The following ZBTB20 variants were observed in gnomAD, a reference collection of about 807,000 sequenced individuals.
ZBTB20 encodes zinc finger and BTB domain containing 20.
Under a neutral mutation model 56.9 loss-of-function variants are expected in ZBTB20, and 9 were observed. The ratio of observed to expected loss-of-function variants is 0.16; its 90% CI spans 0.10 to 0.28. The LOEUF (loss-of-function observed/expected upper bound fraction) is 0.28. ZBTB20 is among the 10% of genes least tolerant of loss of function. The pLI, the probability that ZBTB20 is intolerant of heterozygous loss-of-function variation, is 1.00. For missense variants in ZBTB20, 655 were observed against 1,003.0 expected (o/e 0.65, Z 4.69); for synonymous variants, 417 against 420.7 (o/e 0.99, Z 0.11).
intron 1 of ZBTB20, among the ~76,000 whole-genome samples, chr3:115,092,084 A>G (rs2083217961): frequency 6.6e-6 from 1 of 152,166 alleles, no homozygotes; most frequent in Non-Finnish European, 1.5e-5. Context: ...ATTGTTAAAG[A>G]ATTTTTTATA....
intron 6 of ZBTB20, among the ~76,000 whole-genome samples, chr3:114,513,684 C>A (rs140998022): frequency 6.6e-6 from 1 of 152,214 alleles, no homozygotes; most frequent in East Asian, 1.9e-4. Context: ...TTTTGGGGCA[C>A]TAGGTGAGAG....
At chr3:114,716,956 TAAACAAAACAAAACA>T (rs904575186) in intron 5 of ZBTB20, among the ~76,000 whole-genome samples, 2 of 151,944 alleles carry the variant, frequency 1.3e-5, no homozygotes, top group Non-Finnish European at 2.9e-5. Context: ...TCCAGGAGAA[TAAACAAAACAAAACA>T]AAACAAAACA....
rs1364045839 is a variant in ZBTB20, at chr3:115,000,541, CA to C, written c.-506-26126del. On this transcript the variant is annotated intron_variant, in intron 2 of 11. Coordinates refer to ENST00000675478, the MANE Select transcript of ZBTB20 (RefSeq NM_001348800.3). ...TTTCACATTGCCCAACCCCTAGAAA[CA>C]CTTAACAGATTTTTCTCTCCATAGG... Among the ~76,000 whole-genome samples, 12 of 151,656 alleles carry C rather than the reference CA, an allele frequency of 7.9e-5. No homozygotes were observed. In the South Asian group the frequency reaches 2.1e-3, roughly 26 times the overall value.
intron 6 of ZBTB20, among the ~76,000 whole-genome samples, chr3:114,665,824 C>T (rs1196306420): frequency 6.6e-6 from 1 of 152,094 alleles, no homozygotes; most frequent in Non-Finnish European, 1.5e-5. Flanking sequence ...AGACATCACA[C>T]TGACATTTCT....
chr3:114,836,959 T>G (rs1485403258), intron 4 of ZBTB20, among the ~76,000 whole-genome samples: 1 of 152,200 alleles, frequency 6.6e-6, no homozygotes, highest in African/African-American at 2.4e-5. Context: ...ATGACCATCT[T>G]TCTGTTCTCA....
intron 6 of ZBTB20, among the ~76,000 whole-genome samples, chr3:114,524,128 G>A (rs762865324): frequency 2.0e-5 from 3 of 152,134 alleles, no homozygotes; most frequent in Non-Finnish European, 4.4e-5. Flanking sequence ...TGGAATCTAC[G>A]CTATATAATG....
intron 2 of ZBTB20, among the ~76,000 whole-genome samples, chr3:115,059,247 C>A (rs749074339): frequency 1.3e-5 from 2 of 152,084 alleles, no homozygotes; most frequent in Non-Finnish European, 1.5e-5. Flanking sequence ...TGTCATTCAT[C>A]ATAAACTTTT....
At chr3:115,064,613 A>T (rs777073444) in intron 2 of ZBTB20, among the ~76,000 whole-genome samples, 23 of 151,794 alleles carry the variant, frequency 1.5e-4, no homozygotes, top group Non-Finnish European at 3.1e-4. Context: ...CAACACACCC[A>T]GCTAGTTTTA....
intron 4 of ZBTB20, among the ~76,000 whole-genome samples, chr3:114,852,475 G>A (rs2075050999): frequency 1.3e-5 from 2 of 151,878 alleles, no homozygotes; most frequent in Admixed American, 6.6e-5. Flanking sequence ...TGCTGGCCAG[G>A]CTGGTCTCAA....
At chr3:114,933,487 C>T (rs1183633001) in intron 3 of ZBTB20, among the ~76,000 whole-genome samples, 1 of 152,198 alleles carries the variant, frequency 6.6e-6, no homozygotes. Context: ...TTTAAGCCTG[C>T]CCAACACTGT....
intron 6 of ZBTB20, among the ~76,000 whole-genome samples, chr3:114,655,991 T>C (rs539775209): frequency 6.6e-6 from 1 of 152,368 alleles, no homozygotes; most frequent in Admixed American, 6.5e-5. Flanking sequence ...CCTGAAGCAC[T>C]CACTGCCTTT....
At chr3:114,644,070 T>G (rs2059705628) in intron 6 of ZBTB20, among the ~76,000 whole-genome samples, 3 of 151,954 alleles carry the variant, frequency 2.0e-5, no homozygotes, top group Admixed American at 1.3e-4. Context: ...AATTAATAAG[T>G]CTATACCTTT....
intron 4 of ZBTB20, among the ~76,000 whole-genome samples, chr3:114,820,136 A>G (rs113290121): frequency 3.3e-5 from 5 of 152,106 alleles, no homozygotes; most frequent in African/African-American, 1.2e-4. Context: ...TGCTAAAAAC[A>G]TAATCCAAGA....
chr3:114,564,948 TACCTAAAATATCTG>T (rs2052540302), intron 6 of ZBTB20, among the ~76,000 whole-genome samples: 2 of 152,172 alleles, frequency 1.3e-5, no homozygotes, highest in African/African-American at 4.8e-5. Flanking sequence ...TTCCTTCTCT[TACCTAAAATATCTG>T]CTTGCCTGAC....
At chr3:115,106,192 C>T (rs1165196600) in intron 1 of ZBTB20, among the ~76,000 whole-genome samples, 1 of 151,182 alleles carries the variant, frequency 6.6e-6, no homozygotes, top group Non-Finnish European at 1.5e-5. Flanking sequence ...GAGGACACCA[C>T]CATAAAGTTA....
intron 4 of ZBTB20, among the ~76,000 whole-genome samples, chr3:114,831,074 T>C (rs956900369): frequency 1.0e-4 from 15 of 147,706 alleles, no homozygotes; most frequent in African/African-American, 1.7e-4. Context: ...ATTTCTCTTA[T>C]GGTTTCTTTC....
At chr3:115,079,575 G>A (rs1027182445) in intron 1 of ZBTB20, among the ~76,000 whole-genome samples, 32 of 152,114 alleles carry the variant, frequency 2.1e-4, no homozygotes, top group African/African-American at 7.0e-4. Flanking sequence ...TATTGGTAGA[G>A]ATGGGGTTTC....
intron 4 of ZBTB20, among the ~76,000 whole-genome samples, chr3:114,846,304 G>C (rs2074702232): frequency 6.6e-6 from 1 of 152,132 alleles, no homozygotes; most frequent in African/African-American, 2.4e-5. Flanking sequence ...CTCACTCAAA[G>C]GCTCTTTATT....
intron 7 of ZBTB20, among the ~76,000 whole-genome samples, chr3:114,487,526 C>T (rs2042270588): frequency 6.6e-6 from 1 of 152,182 alleles, no homozygotes; most frequent in Admixed American, 6.5e-5. Context: ...AAAAATGCCC[C>T]AGAGCATGTC....
Sources: allele counts gnomAD v4.1 joint callset (sites outside exome capture counted in the v4.1 genomes callset), GRCh38; gene constraint gnomAD v4.1.1; transcripts MANE v1.5; gene names NCBI Gene and HGNC (gene_info 2026-07-23, HGNC 2026-07-21).